The following KIAA1755 variants were observed in gnomAD, a reference collection of about 807,000 sequenced individuals.
The protein encoded by KIAA1755 is KIAA1755.
In KIAA1755, 68 loss-of-function variants were observed where a neutral mutation model predicts 91.7. The ratio of observed to expected loss-of-function variants is 0.74; its 90% confidence interval spans 0.61 to 0.91. The LOEUF (loss-of-function observed/expected upper bound fraction) is 0.91, where lower values mean the gene tolerates loss of function less well. Among genes scored for constraint, KIAA1755 ranks in the 40% least tolerant of loss-of-function variants. The probability of loss-of-function intolerance (pLI) is 0.00; values close to 1 mark genes in which losing one functional copy is unlikely to be tolerated. For missense variants in KIAA1755, 1,535 were observed against 1,494.4 expected, an observed-to-expected ratio of 1.03 and a Z score of -0.45; for synonymous variants, 610 against 604.6, an observed-to-expected ratio of 1.01 and a Z score of -0.13.
At chr20:38,231,566 G>A (rs376406915) in intron 4 of KIAA1755, among the ~76,000 whole-genome samples, 33 of 152,276 alleles carry the variant, frequency 2.2e-4, no homozygotes, top group South Asian at 8.3e-4. Flanking sequence ...TATAAGATAC[G>A]TGGGCAGGCA....
intron 10 of KIAA1755, among the ~76,000 whole-genome samples, 169 bp from the exon 11 acceptor site, chr20:38,219,937 T>A (rs2075627538): frequency 6.6e-6 from 1 of 152,162 alleles, no homozygotes; most frequent in Admixed American, 6.5e-5. Context: ...AGCCTTGGTC[T>A]TCCATGGGAC....
intron 4 of KIAA1755, among the ~76,000 whole-genome samples, chr20:38,238,630 C>T (rs2076000271): frequency 6.6e-6 from 1 of 152,170 alleles, no homozygotes; most frequent in Non-Finnish European, 1.5e-5. Context: ...ACTTTGTTTA[C>T]ACTGGGTTTC....
chr20:38,214,772 G>T (rs1181444492), intron 13 of KIAA1755, among the ~76,000 whole-genome samples: 1 of 152,176 alleles, frequency 6.6e-6, no homozygotes, highest in Non-Finnish European at 1.5e-5. Context: ...CCCACAAAAC[G>T]TCTGCAGACT....
chr20:38,219,570 C>T, intron 11 of KIAA1755, 60 bp downstream of exon 11: 2 of 1,601,646 alleles, frequency 1.2e-6, no homozygotes, highest in Non-Finnish European at 1.7e-6. Flanking sequence ...AGAGTCGGGG[C>T]TTTCCTGTGG....
At position 38,222,508 on chromosome 20, in the gene KIAA1755, T is replaced by G; in HGVS notation, c.2358A>C (p.Gly786=). The change falls in exon 10 of 14, where the codon GGA becomes GGC. Residue 786 remains glycine, a synonymous_variant. Transcript: ENST00000279024. ...PGLLGLQREG[G]ATLARLQHDA... is the part of the protein sequence containing the mutation. Reference sequence around the variant, plus strand: ...CATGCTGCAGCCTGGCCAGGGTGGCTCCACCTTCCCGCTGGAGGCCCAGTA... The same window carrying G: ...CATGCTGCAGCCTGGCCAGGGTGGCGCCACCTTCCCGCTGGAGGCCCAGTA... The G allele has an allele frequency of 6.2e-7, 1 of 1,613,830 alleles. No homozygotes were observed. Among genetic ancestry groups the G allele is most frequent in the South Asian group, 1.1e-5 (1 of 91,084 alleles).
intron 2 of KIAA1755, among the ~76,000 whole-genome samples, chr20:38,245,281 C>G (rs951972758): frequency 2.0e-5 from 3 of 152,178 alleles, no homozygotes; most frequent in African/African-American, 7.2e-5. Flanking sequence ...TGTGGGAACA[C>G]TTAGCCTGGA....
chr20:38,245,067 G>C (rs1307245939), intron 2 of KIAA1755, among the ~76,000 whole-genome samples: 1 of 152,156 alleles, frequency 6.6e-6, no homozygotes, highest in African/African-American at 2.4e-5. Flanking sequence ...TCTGACCATA[G>C]AGGTAGACAC....
At chr20:38,229,009 A>G (rs147866806) in intron 5 of KIAA1755, among the ~76,000 whole-genome samples, 2,308 of 152,180 alleles carry the variant, frequency 0.015, 168 homozygotes, top group Admixed American at 0.12. Flanking sequence ...CTCCTCTCCC[A>G]TCCCCACCCC....
chr20:38,217,011 G>C, intron 13 of KIAA1755: 1 of 671,866 alleles, frequency 1.5e-6, no homozygotes, highest in Non-Finnish European at 2.7e-6. Flanking sequence ...CAAGACTTGG[G>C]GAGTGAATCA....
At chr20:38,229,002 C>T (rs1039330077) in intron 5 of KIAA1755, among the ~76,000 whole-genome samples, 3 of 152,202 alleles carry the variant, frequency 2.0e-5, no homozygotes, top group Non-Finnish European at 4.4e-5. Flanking sequence ...CACCCTACTC[C>T]TCTCCCATCC....
intron 10 of KIAA1755, among the ~76,000 whole-genome samples, chr20:38,220,176 G>A (rs1473482688): frequency 6.6e-6 from 1 of 152,058 alleles, no homozygotes; most frequent in African/African-American, 2.4e-5. Flanking sequence ...ATGATCTAAC[G>A]CCCTGGCCCT....
At chr20:38,222,785 T>C in intron 9 of KIAA1755, 188 bp from the exon 10 acceptor site, 1 of 652,210 alleles carries the variant, frequency 1.5e-6, no homozygotes, top group South Asian at 1.8e-5. Context: ...GCAACCTCAT[T>C]GGTCCACCCT....
intron 2 of KIAA1755, among the ~76,000 whole-genome samples, 160 bp downstream of exon 2, chr20:38,245,769 G>A (rs1292394463): frequency 2.0e-5 from 3 of 152,190 alleles, no homozygotes; most frequent in African/African-American, 7.2e-5. Context: ...GGGGGCTGAT[G>A]TCTCCCCCTG....
intron 1 of KIAA1755, among the ~76,000 whole-genome samples, chr20:38,252,947 C>G (rs942333261): frequency 1.3e-5 from 2 of 152,182 alleles, no homozygotes; most frequent in African/African-American, 4.8e-5. Flanking sequence ...CATTCCCAAT[C>G]CACCCGGCAG....
chr20:38,229,034 C>A, intron 5 of KIAA1755, among the ~76,000 whole-genome samples: 1 of 152,182 alleles, frequency 6.6e-6, no homozygotes, highest in South Asian at 2.1e-4. Flanking sequence ...GCCATCTGGC[C>A]AGTGGGTACA....
At chr20:38,254,686 T>C (rs575255226) in intron 1 of KIAA1755, among the ~76,000 whole-genome samples, 14 of 151,702 alleles carry the variant, frequency 9.2e-5, no homozygotes, top group African/African-American at 2.9e-4. Context: ...CTTTAGGCAC[T>C]GAGACAGAAG....
intron 3 of KIAA1755, 32 bp downstream of exon 3, chr20:38,240,547 ACCT>A: frequency 6.9e-7 from 1 of 1,449,048 alleles, no homozygotes; most frequent in Non-Finnish European, 9.1e-7. Context: ...CCAGACAATA[ACCT>A]CCTTGTACAG....
At chr20:38,228,690 G>A (rs1191166861) in intron 5 of KIAA1755, among the ~76,000 whole-genome samples, 1 of 152,114 alleles carries the variant, frequency 6.6e-6, no homozygotes, top group Non-Finnish European at 1.5e-5. Flanking sequence ...AGATGGGGAG[G>A]GTCATGTGAC....
intron 1 of KIAA1755, among the ~76,000 whole-genome samples, chr20:38,259,822 A>AC (rs778841014): frequency 1.1e-3 from 78 of 69,672 alleles, no homozygotes; most frequent in East Asian, 0.01. Flanking sequence ...CACCACCACC[A>AC]CACACACACA....
Sources: gnomAD v4.1 joint callset for allele counts (sites outside exome capture counted in the v4.1 genomes callset) on GRCh38, gnomAD v4.1.1 for gene constraint, MANE v1.5 for transcripts, NCBI Gene and HGNC (gene_info 2026-07-23, HGNC 2026-07-21) for gene names.